PPFIBP1: variants seen among roughly 807,000 people sequenced by gnomAD.
PPFIBP1 encodes the protein PPFIB scaffold protein 1.
A neutral mutation model predicts 137.8 loss-of-function variants in PPFIBP1; 112 were observed. The observed-to-expected ratio is 0.81, with a 90% CI of 0.70 to 0.95. The LOEUF is 0.95. Among genes scored for constraint, PPFIBP1 ranks in the 40% least tolerant of loss-of-function variants. The probability of loss-of-function intolerance (pLI) is 0.00; values close to 1 mark genes in which losing one functional copy is unlikely to be tolerated. For missense variants in PPFIBP1, 1,083 were observed against 1,196.6 expected, an observed-to-expected ratio of 0.91 and a Z score of 1.40; for synonymous variants, 378 against 417.3, an observed-to-expected ratio of 0.91 and a Z score of 1.15.
intron 1 of PPFIBP1, among the ~76,000 whole-genome samples, chr12:27,543,444 T>TC (rs1945877516): frequency 6.6e-6 from 1 of 152,202 alleles, no homozygotes; most frequent in Admixed American, 6.5e-5. Flanking sequence ...TAAGTGGGGC[T>TC]TTATTGGGTT....
At chr12:27,618,816 A>G (rs10842953) in intron 2 of PPFIBP1, among the ~76,000 whole-genome samples, 135,616 of 152,264 alleles carry the variant, frequency 0.89, 60,927 homozygotes, top group Non-Finnish European at 0.94. Context: ...ATTTTACAGA[A>G]TCTGCCTCTT....
At chr12:27,676,794 C>A in intron 18 of PPFIBP1, 195 bp downstream of exon 18, 1 of 688,034 alleles carries the variant, frequency 1.5e-6, no homozygotes. Flanking sequence ...GACTCTCACC[C>A]TGCTCTCTCC....
At chr12:27,689,863 C>T (rs988870114) in intron 27 of PPFIBP1, among the ~76,000 whole-genome samples, 7 of 152,194 alleles carry the variant, frequency 4.6e-5, no homozygotes, top group Non-Finnish European at 8.8e-5. Flanking sequence ...CTGCGTTTCT[C>T]TTAGGAATTC....
chr12:27,559,241 T>C (rs1022835471), intron 1 of PPFIBP1, among the ~76,000 whole-genome samples: 3 of 151,896 alleles, frequency 2.0e-5, no homozygotes, highest in Non-Finnish European at 2.9e-5. Flanking sequence ...CAGTCTCAGC[T>C]CACTGCAAGC....
chr12:27,564,784 T>C (rs2136482460), intron 1 of PPFIBP1, among the ~76,000 whole-genome samples: 1 of 152,266 alleles, frequency 6.6e-6, no homozygotes, highest in East Asian at 1.9e-4. Context: ...CTGCTCTTTG[T>C]TCTCATGGCG....
intron 12 of PPFIBP1, among the ~76,000 whole-genome samples, chr12:27,665,546 A>G (rs2140052793): frequency 6.6e-6 from 1 of 152,336 alleles, no homozygotes; most frequent in Admixed American, 6.5e-5. Context: ...ACAGGTACAT[A>G]AAGAGAGTTG....
At chr12:27,683,822 C>T (rs1258257688) in intron 24 of PPFIBP1, among the ~76,000 whole-genome samples, 1 of 152,048 alleles carries the variant, frequency 6.6e-6, no homozygotes, top group Non-Finnish European at 1.5e-5. Flanking sequence ...GAGTCTCGCT[C>T]TGTCGCCCAG....
chr12:27,593,850 C>T, intron 2 of PPFIBP1: 1 of 1,406,448 alleles, frequency 7.1e-7, no homozygotes, highest in Non-Finnish European at 9.5e-7. Context: ...CTTATCCTTT[C>T]AGTCCCCCAT....
chr12:27,635,129 G>T lies in PPFIBP1; in HGVS notation c.270+14G>T. The T allele has an allele frequency of 6.2e-7, 1 of 1,613,208 alleles. No individual in the cohort carries two copies. The highest frequency in any genetic ancestry group is 8.5e-7 in the Non-Finnish European group (1 of 1,179,184). ...CAGAGTCAAATGGTAGGGTCTGCCT[G>T]TTCCAAATTCTGTTATAAATCCTTT... On this transcript the variant is annotated intron_variant, in intron 4 of 29. Transcript: ENST00000228425.
chr12:27,665,433 G>T (rs1206627759), intron 12 of PPFIBP1, among the ~76,000 whole-genome samples: 2 of 152,126 alleles, frequency 1.3e-5, no homozygotes, highest in Non-Finnish European at 2.9e-5. Flanking sequence ...GTAGATGATG[G>T]TTCCATTGAC....
intron 2 of PPFIBP1, among the ~76,000 whole-genome samples, chr12:27,579,808 T>C (rs4930854): frequency 0.54 from 81,907 of 151,968 alleles, 24,025 homozygotes; most frequent in South Asian, 0.73. Flanking sequence ...GGTAGCCAAG[T>C]GATTTGTCTG....
chr12:27,590,170 G>A (rs1284320737), intron 2 of PPFIBP1, among the ~76,000 whole-genome samples: 1 of 146,452 alleles, frequency 6.8e-6, no homozygotes, highest in Non-Finnish European at 1.5e-5. Context: ...GCTGTGTTAG[G>A]ATTTTGTTTT....
chr12:27,537,394 G>T (rs2135936083), intron 1 of PPFIBP1, among the ~76,000 whole-genome samples: 1 of 152,258 alleles, frequency 6.6e-6, no homozygotes, highest in East Asian at 1.9e-4. Context: ...GCCTCCCAAA[G>T]TGCTGGGATT....
At chr12:27,691,590 T>G (rs2061547515) in intron 27 of PPFIBP1, among the ~76,000 whole-genome samples, 159 bp from the exon 28 acceptor site, 1 of 152,202 alleles carries the variant, frequency 6.6e-6, no homozygotes, top group Non-Finnish European at 1.5e-5. Context: ...TATCCATATT[T>G]AAACATCCAG....
intron 1 of PPFIBP1, among the ~76,000 whole-genome samples, chr12:27,562,156 C>T (rs1592480720): frequency 6.6e-6 from 1 of 152,076 alleles, no homozygotes; most frequent in East Asian, 1.9e-4. Context: ...TGTATTTTCA[C>T]TTGTTTATTT....
At chr12:27,655,574 T>C (rs2059148440) in intron 8 of PPFIBP1, among the ~76,000 whole-genome samples, 1 of 152,210 alleles carries the variant, frequency 6.6e-6, no homozygotes, top group African/African-American at 2.4e-5. Flanking sequence ...TTTTCCTCTT[T>C]AGGGACTTTC....
chr12:27,605,563 T>C (rs2054444468), intron 2 of PPFIBP1, among the ~76,000 whole-genome samples: 1 of 152,124 alleles, frequency 6.6e-6, no homozygotes, highest in Non-Finnish European at 1.5e-5. Flanking sequence ...ATGTTTTATT[T>C]AACTTAATAT....
At chr12:27,680,552 T>C (rs1224551644) in intron 21 of PPFIBP1, among the ~76,000 whole-genome samples, 1 of 152,174 alleles carries the variant, frequency 6.6e-6, no homozygotes, top group African/African-American at 2.4e-5. Flanking sequence ...TTAAATAAGT[T>C]AATATGTGTT....
At chr12:27,640,241 G>T (rs7972519) in intron 4 of PPFIBP1, among the ~76,000 whole-genome samples, 89,710 of 151,990 alleles carry the variant, frequency 0.59, 27,015 homozygotes, top group Admixed American at 0.65. Context: ...TAGGACTGAA[G>T]GGAAAGAGGT....
Sources: gnomAD v4.1 joint callset for allele counts (sites outside exome capture counted in the v4.1 genomes callset) on GRCh38, gnomAD v4.1.1 for gene constraint, MANE v1.5 for transcripts, NCBI Gene and HGNC (gene_info 2026-07-23, HGNC 2026-07-21) for gene names.